The following MCFD2 variants were observed in gnomAD, a reference collection of about 807,000 sequenced individuals.
MCFD2 encodes the protein multiple coagulation factor deficiency protein 2.
Under a neutral mutation model 12.8 loss-of-function variants are expected in MCFD2, and 11 were observed. That is an observed-to-expected ratio of 0.86 (90% CI 0.54 to 1.42). The LOEUF (loss-of-function observed/expected upper bound fraction) is 1.42. Ranked by LOEUF, MCFD2 falls within the 40% of genes most tolerant of loss-of-function variation. MCFD2 has a pLI of 0.00. For missense variants in MCFD2, 191 were observed against 178.6 expected, an observed-to-expected ratio of 1.07 and a Z score of -0.40; for synonymous variants, 70 against 68.1, an observed-to-expected ratio of 1.03 and a Z score of -0.14.
upstream of MCFD2, chr2:46,915,961 G>A (rs1668759484): frequency 3.0e-6 from 3 of 985,428 alleles, no homozygotes; most frequent in Non-Finnish European, 3.6e-6. Context: ...GCACTGGCGG[G>A]ACTGACGCAG....
chr2:46,931,895 A>AAGC (rs1455431856), intron 1 of MCFD2, among the ~76,000 whole-genome samples: 1 of 152,174 alleles, frequency 6.6e-6, no homozygotes, highest in African/African-American at 2.4e-5. Context: ...ATTTGTTAAG[A>AAGC]AGCAATAGGA....
chr2:46,932,662 A>G (rs973438754), intron 1 of MCFD2, among the ~76,000 whole-genome samples: 1 of 152,034 alleles, frequency 6.6e-6, no homozygotes, highest in African/African-American at 2.4e-5. Context: ...GCAATTTGGG[A>G]GGCCAAGATG....
Position 46,941,306 on chromosome 2 carries a change from G to T in MCFD2, c.-8+266C>A. ...GCGGAGGTTGCTCCTGTACGCGTAC[G>T]GGCCGCTCGGCCGGAGCCGCAGCCC... On this transcript the variant is annotated intron_variant, in intron 1 of 2. Coordinates refer to the MCFD2 transcript ENST00000409147. This position sits in a 1 kb window ranked among gnomAD's most constrained non-coding sequence, Gnocchi z 4.2. 1 of 188,694 alleles carries T rather than the reference G, an allele frequency of 5.3e-6. No homozygotes were observed. The highest frequency in any genetic ancestry group is 1.0e-5 in the Non-Finnish European group (1 of 96,194). 11.7% of individuals were successfully genotyped at this position (188,694 alleles called of 1,614,324 possible). A position where few individuals can be genotyped will look rare whatever the true frequency, so the allele number is the denominator to read the frequency against.
chr2:46,917,342 A>G (rs1668864048), upstream of MCFD2: 1 of 605,740 alleles, frequency 1.7e-6, no homozygotes, highest in Non-Finnish European at 2.9e-6. Context: ...TTCAAGACCC[A>G]TTCTTCTTTC....
At chr2:46,934,658 C>T (rs1669874773) in intron 1 of MCFD2, among the ~76,000 whole-genome samples, 2 of 152,020 alleles carry the variant, frequency 1.3e-5, no homozygotes, top group African/African-American at 4.8e-5. Context: ...TGCAGTAAGC[C>T]TGGATGACAG....
At chr2:46,915,696 C>G (rs1437556287) in intron 1 of MCFD2, 27 bp downstream of exon 1, 1 of 909,550 alleles carries the variant, frequency 1.1e-6, no homozygotes, top group African/African-American at 1.8e-5. Context: ...ATCCCGCCCG[C>G]TGCGGAGAGT....
rs538059770 is a variant in MCFD2 at position 46,922,258 on chromosome 2, G to C, written c.-7-14289C>G. ...TTAGGCCTATACCATTTCCTCCTCAGAATTTCTCAGCACTTACTCATGGTT... is the reference window on the plus strand; with the variant it reads ...TTAGGCCTATACCATTTCCTCCTCACAATTTCTCAGCACTTACTCATGGTT... On this transcript the variant is annotated intron_variant, in intron 1 of 2. Coordinates refer to the MCFD2 transcript ENST00000409147. Among the ~76,000 whole-genome samples, 12 of 152,292 alleles carry C rather than the reference G, an allele frequency of 7.9e-5. No homozygotes were observed. In the South Asian group the frequency reaches 2.3e-3, roughly 29 times the overall value.
At chr2:46,932,429 G>A (rs1171938839) in intron 1 of MCFD2, among the ~76,000 whole-genome samples, 5 of 152,146 alleles carry the variant, frequency 3.3e-5, no homozygotes, top group African/African-American at 7.2e-5. Flanking sequence ...GATTACAGGC[G>A]TAAGCCATTG....
chr2:46,924,703 T>C (rs1669293539), intron 1 of MCFD2, among the ~76,000 whole-genome samples: 2 of 152,192 alleles, frequency 1.3e-5, no homozygotes, highest in African/African-American at 4.8e-5. Context: ...CTCAGCACAC[T>C]GCAGCCTCAA....
intron 1 of MCFD2, among the ~76,000 whole-genome samples, chr2:46,936,594 T>C (rs1340516818): frequency 6.6e-6 from 1 of 152,194 alleles, no homozygotes; most frequent in African/African-American, 2.4e-5. Context: ...TCTGTCTTAA[T>C]ATCAACCTGT....
rs1311427584 is a variant in MCFD2 at position 46,941,282 on chromosome 2, C to G, written c.-8+290G>C. 7.2e-5 allele frequency: 12 copies of G among 166,946 alleles called. No homozygotes were observed. In the Admixed American group the frequency reaches 7.7e-4, roughly 11 times the overall value. 10.3% of individuals were successfully genotyped at this position (166,946 alleles called of 1,614,324 possible). On this transcript the variant is annotated intron_variant, in intron 1 of 2. Transcript: ENST00000409147. This position sits in a 1 kb window ranked among gnomAD's most constrained non-coding sequence, Gnocchi z 4.2. Reference sequence around the variant, plus strand: ...GCGCCAGGAGCTGCTACAGCAGAGGCGGAGGTTGCTCCTGTACGCGTACGG... The same window carrying G: ...GCGCCAGGAGCTGCTACAGCAGAGGGGGAGGTTGCTCCTGTACGCGTACGG...
chr2:46,906,258 C>G lies in MCFD2; in HGVS notation c.310-664G>C, dbSNP rs565849186. ...ATTCCTCCGCCTAACACTAGTCTCT[C>G]CTCATGTCCTTCAGTCTGTCTCCCA... On this transcript the variant is annotated intron_variant, in intron 3 of 3. Coordinates refer to ENST00000319466, the MANE Select transcript of MCFD2 (RefSeq NM_139279.6). 3.3e-5 allele frequency among the ~76,000 whole-genome samples: 5 copies of G among 152,244 alleles called. No homozygotes were observed. In the East Asian group the frequency reaches 7.7e-4, roughly 24 times the overall value.
chr2:46,933,306 G>A (rs979708469), intron 1 of MCFD2, among the ~76,000 whole-genome samples: 1 of 152,160 alleles, frequency 6.6e-6, no homozygotes, highest in African/African-American at 2.4e-5. Context: ...TGAGTGGCTG[G>A]GGATAAAAAA....
upstream of MCFD2, among the ~76,000 whole-genome samples, chr2:46,919,361 C>T (rs1026133888): frequency 1.3e-5 from 2 of 152,164 alleles, no homozygotes; most frequent in Admixed American, 1.3e-4. Context: ...TGGTGAAACC[C>T]TGTCTCTACT....
chr2:46,920,980 A>C (rs1349838212), intron 1 of MCFD2, among the ~76,000 whole-genome samples: 1 of 152,138 alleles, frequency 6.6e-6, no homozygotes, highest in East Asian at 1.9e-4. Context: ...TGATAAAAAA[A>C]AAAAAAACTT....
upstream of MCFD2, among the ~76,000 whole-genome samples, chr2:46,916,976 A>G (rs1668834941): frequency 6.6e-6 from 1 of 151,284 alleles, no homozygotes; most frequent in Non-Finnish European, 1.5e-5. Flanking sequence ...TTCTGTCCAT[A>G]AAGGTACATA....
intron 1 of MCFD2, among the ~76,000 whole-genome samples, chr2:46,932,900 C>CAAAA (rs34183870): frequency 0.063 from 4,331 of 69,286 alleles, 97 homozygotes; most frequent in Non-Finnish European, 0.09. Context: ...GACTCCATCT[C>CAAAA]AAAAAAAAAA....
chr2:46,910,674 C>T (rs1024544340), intron 1 of MCFD2: 1 of 152,192 alleles, frequency 6.6e-6, no homozygotes, highest in Non-Finnish European at 1.5e-5. Context: ...TTCCCAAATC[C>T]GTTTTTCCCA....
At chr2:46,930,595 G>C (rs1669643409) in intron 1 of MCFD2, among the ~76,000 whole-genome samples, 1 of 151,250 alleles carries the variant, frequency 6.6e-6, no homozygotes, top group South Asian at 2.1e-4. Flanking sequence ...TGCCTCCCAG[G>C]TTCAAGCGAT....
Sources: gnomAD v4.1 joint callset for allele counts (sites outside exome capture counted in the v4.1 genomes callset) on GRCh38, gnomAD v4.1.1 for gene constraint, Gnocchi (gnomAD v3.1) non-coding constraint, MANE v1.5 for transcripts, NCBI Gene and HGNC (gene_info 2026-07-23, HGNC 2026-07-21) for gene names.